Variants in RBMS3 observed in about 807,000 individuals in gnomAD.
RBMS3 encodes the protein RNA binding motif single stranded interacting protein 3, also known as RNA-binding motif, single-stranded-interacting protein 3.
In RBMS3, 27 loss-of-function variants were observed where a neutral mutation model predicts 66.8. The ratio of observed to expected loss-of-function variants is 0.40; its 90% CI spans 0.30 to 0.56. The LOEUF (loss-of-function observed/expected upper bound fraction) is 0.56, where lower values mean the gene tolerates loss of function less well. Among genes scored for constraint, RBMS3 ranks in the 20% least tolerant of loss-of-function variants. The pLI, the probability that RBMS3 is intolerant of heterozygous loss-of-function variation, is 0.40. For missense variants in RBMS3, 513 were observed against 549.5 expected, an observed-to-expected ratio of 0.93 and a Z score of 0.66; for synonymous variants, 188 against 183.0, an observed-to-expected ratio of 1.03 and a Z score of -0.22.
At chr3:29,800,583 T>C (rs1238025272) in intron 6 of RBMS3, among the ~76,000 whole-genome samples, 2 of 152,182 alleles carry the variant, frequency 1.3e-5, no homozygotes, top group Non-Finnish European at 2.9e-5. Flanking sequence ...TCAAAGGTTA[T>C]GTACAAGAAC....
intron 4 of RBMS3, among the ~76,000 whole-genome samples, chr3:29,631,721 G>GTGATT (rs2049288912): frequency 6.6e-6 from 1 of 151,688 alleles, no homozygotes. Context: ...TTTTTTTCTA[G>GTGATT]TCTTTGTAAA....
intron 5 of RBMS3, among the ~76,000 whole-genome samples, chr3:29,759,176 T>A (rs1453354195): frequency 1.3e-5 from 2 of 151,980 alleles, no homozygotes; most frequent in South Asian, 4.1e-4. Flanking sequence ...GGGAATTGTA[T>A]CGGCTGTTAA....
chr3:29,383,585 G>A lies in RBMS3; in HGVS notation c.76-51158G>A, dbSNP rs1376243227. ...GTTGTATGTGGATGTACACTTGGGA[G>A]CCAAGGAATAGGGATATATTGTTAG... is the stretch of plus-strand genomic sequence containing the variant. On this transcript the variant is annotated intron_variant, in intron 1 of 14. Coordinates refer to ENST00000383767, the MANE Select transcript of RBMS3 (RefSeq NM_001003793.3). 2.0e-5 allele frequency among the ~76,000 whole-genome samples: 3 copies of A among 152,186 alleles called. No individual in the cohort carries two copies. In the East Asian group the frequency reaches 5.8e-4, roughly 29 times the overall value.
At chr3:29,751,714 T>C (rs1332829302) in intron 5 of RBMS3, among the ~76,000 whole-genome samples, 2 of 152,222 alleles carry the variant, frequency 1.3e-5, no homozygotes, top group Non-Finnish European at 2.9e-5. Context: ...TAAAAGGCAC[T>C]TGAGCTGGTT....
intron 1 of RBMS3, among the ~76,000 whole-genome samples, chr3:29,337,010 A>C (rs989073129): frequency 6.6e-5 from 10 of 152,198 alleles, no homozygotes; most frequent in African/African-American, 2.2e-4. Context: ...TGCTCTAATT[A>C]TAATTTCATT....
chr3:29,793,260 G>T (rs1576820363), intron 6 of RBMS3, among the ~76,000 whole-genome samples: 1 of 151,216 alleles, frequency 6.6e-6, no homozygotes, highest in African/African-American at 2.4e-5. Flanking sequence ...AAAAGAAAAA[G>T]AAAAGCAGAA....
chr3:29,731,784 G>T (rs906394477), intron 4 of RBMS3, among the ~76,000 whole-genome samples: 2 of 152,082 alleles, frequency 1.3e-5, no homozygotes, highest in African/African-American at 4.8e-5. Flanking sequence ...GTTCTTCAGA[G>T]AAACAGAACC....
intron 10 of RBMS3, among the ~76,000 whole-genome samples, chr3:29,906,117 C>T (rs957783421): frequency 2.0e-5 from 3 of 152,092 alleles, no homozygotes; most frequent in African/African-American, 7.2e-5. Flanking sequence ...TTTTGGATCA[C>T]TTAATAGAGT....
intron 12 of RBMS3, among the ~76,000 whole-genome samples, chr3:29,965,823 G>A (rs908141827): frequency 6.6e-6 from 1 of 152,020 alleles, no homozygotes; most frequent in Admixed American, 6.6e-5. Flanking sequence ...GTCTCGAAGG[G>A]TTTTTCCAAT....
chr3:29,749,228 G>A (rs1196901033), intron 5 of RBMS3, among the ~76,000 whole-genome samples: 1 of 152,088 alleles, frequency 6.6e-6, no homozygotes, highest in Non-Finnish European at 1.5e-5. Flanking sequence ...AAATAATTCT[G>A]GATTTAGTCT....
chr3:29,814,133 T>G (rs1481960641), intron 6 of RBMS3, among the ~76,000 whole-genome samples: 1 of 151,700 alleles, frequency 6.6e-6, no homozygotes, highest in Non-Finnish European at 1.5e-5. Context: ...TAGATAGCTC[T>G]TATTATTTTG....
At chr3:29,459,721 C>A (rs1034794662) in intron 2 of RBMS3, among the ~76,000 whole-genome samples, 1 of 152,192 alleles carries the variant, frequency 6.6e-6, no homozygotes. Context: ...AGTGTGCTAA[C>A]TGCAAAATGC....
chr3:29,477,806 C>T (rs1368984130), intron 2 of RBMS3, among the ~76,000 whole-genome samples: 1 of 152,094 alleles, frequency 6.6e-6, no homozygotes, highest in East Asian at 1.9e-4. Context: ...CACTCTGTCA[C>T]CTAGGCTGGA....
At chr3:29,995,626 G>C (rs1577348984) in intron 14 of RBMS3, among the ~76,000 whole-genome samples, 2 of 151,746 alleles carry the variant, frequency 1.3e-5, no homozygotes, top group African/African-American at 4.8e-5. Flanking sequence ...CATTCTTAAA[G>C]AAAAGAATTT....
intron 13 of RBMS3, among the ~76,000 whole-genome samples, chr3:29,989,236 T>TCTATG (rs1191173783): frequency 2.0e-5 from 3 of 152,156 alleles, no homozygotes; most frequent in Non-Finnish European, 2.9e-5. Flanking sequence ...TTGGGATAAA[T>TCTATG]CTATGCCCTC....
chr3:29,792,249 A>C (rs897622082), intron 6 of RBMS3, among the ~76,000 whole-genome samples: 2 of 152,230 alleles, frequency 1.3e-5, no homozygotes, highest in South Asian at 2.1e-4. Flanking sequence ...TCCCTGCTTC[A>C]GTCCATAATT....
chr3:29,538,278 G>A (rs1272766084), intron 3 of RBMS3, among the ~76,000 whole-genome samples: 1 of 152,126 alleles, frequency 6.6e-6, no homozygotes, highest in African/African-American at 2.4e-5. Flanking sequence ...TACAATTTAT[G>A]CGCCCTGGAT....
At chr3:29,792,042 C>A (rs1461914492) in intron 6 of RBMS3, among the ~76,000 whole-genome samples, 1 of 152,142 alleles carries the variant, frequency 6.6e-6, no homozygotes, top group Non-Finnish European at 1.5e-5. Context: ...CCAGAAACAT[C>A]TATGATCTTG....
At chr3:29,820,883 T>G (rs1366220767) in intron 6 of RBMS3, among the ~76,000 whole-genome samples, 3 of 152,134 alleles carry the variant, frequency 2.0e-5, no homozygotes, top group African/African-American at 7.2e-5. Context: ...CCCAGAAGAT[T>G]GCGACCAACC....
Sources: allele counts gnomAD v4.1 joint callset (sites outside exome capture counted in the v4.1 genomes callset), GRCh38; gene constraint gnomAD v4.1.1; transcripts MANE v1.5; gene names NCBI Gene and HGNC (gene_info 2026-07-23, HGNC 2026-07-21).